Variants in ARIH2 observed in about 807,000 individuals in gnomAD.
The protein encoded by ARIH2 is ariadne RBR E3 ubiquitin protein ligase 2, also known as E3 ubiquitin-protein ligase ARIH2.
Under a neutral mutation model 79.8 loss-of-function variants are expected in ARIH2, and 12 were observed. The observed-to-expected ratio is 0.15, with a 90% CI of 0.10 to 0.24. ARIH2 has a LOEUF of 0.24. Ranked by LOEUF, ARIH2 falls within the 10% of genes least tolerant of loss-of-function variation. ARIH2 has a pLI of 1.00. For synonymous variants in ARIH2, 224 were observed against 213.9 expected, an observed-to-expected ratio of 1.05 and a Z score of -0.41; for missense variants, 301 against 618.3, an observed-to-expected ratio of 0.49 and a Z score of 5.44.
At chr3:48,967,076 CT>C (rs1576459149) in intron 5 of ARIH2, 48 bp from the exon 6 acceptor site, 1 of 1,597,612 alleles carries the variant, frequency 6.3e-7, no homozygotes, top group East Asian at 2.2e-5. Flanking sequence ...CCCTTATGGC[CT>C]TCTGGACCTG....
chr3:48,977,203 AAAAC>A (rs749803846), intron 11 of ARIH2, among the ~76,000 whole-genome samples: 12 of 152,038 alleles, frequency 7.9e-5, no homozygotes, highest in Non-Finnish European at 1.0e-4. Context: ...CTCCGTCTCA[AAAAC>A]AAACAAACAA....
intron 11 of ARIH2, among the ~76,000 whole-genome samples, chr3:48,978,738 T>C (rs2092645437): frequency 6.6e-6 from 1 of 151,714 alleles, no homozygotes; most frequent in East Asian, 1.9e-4. Flanking sequence ...GATGGGCGAA[T>C]CACTGAACAC....
chr3:48,926,687 ATTAC>A (rs1169037684), intron 2 of ARIH2: 2 of 152,202 alleles, frequency 1.3e-5, no homozygotes, highest in Non-Finnish European at 2.9e-5. Context: ...AGTAGCTGGG[ATTAC>A]AGGTGCATAT....
intron 13 of ARIH2, 106 bp from the exon 14 acceptor site, chr3:48,981,554 G>C: frequency 1.2e-6 from 1 of 848,362 alleles, no homozygotes; most frequent in Non-Finnish European, 1.9e-6. Context: ...TATATCTATA[G>C]AGCTGGGCTA....
chr3:48,959,055 G>A (rs192983796), intron 3 of ARIH2, among the ~76,000 whole-genome samples: 1,780 of 151,932 alleles, frequency 0.012, 10 homozygotes, highest in Non-Finnish European at 0.016. Context: ...GGTGGCTCAC[G>A]CCTGTAATCC....
chr3:48,971,025 A>G (rs775330359), intron 8 of ARIH2, among the ~76,000 whole-genome samples: 22 of 152,214 alleles, frequency 1.4e-4, no homozygotes, highest in Admixed American at 2.6e-4. Context: ...TGTTTGAAAG[A>G]TATAAACTTG....
intron 3 of ARIH2, among the ~76,000 whole-genome samples, chr3:48,959,050 C>T (rs2090943667): frequency 6.6e-6 from 1 of 151,688 alleles, no homozygotes; most frequent in Non-Finnish European, 1.5e-5. Flanking sequence ...AGCGCGGTGG[C>T]TCACGCCTGT....
intron 8 of ARIH2, 107 bp from the exon 9 acceptor site, chr3:48,973,592 A>AT: frequency 1.3e-6 from 1 of 750,920 alleles, no homozygotes; most frequent in Non-Finnish European, 2.2e-6. Context: ...AAAAAAAAAA[A>AT]GAAAAAAGCT....
At chr3:48,926,462 G>A (rs2085630960) in intron 2 of ARIH2, among the ~76,000 whole-genome samples, 1 of 151,506 alleles carries the variant, frequency 6.6e-6, no homozygotes, top group South Asian at 2.1e-4. Flanking sequence ...TAGAGACAGG[G>A]TTTCACCATA....
intron 14 of ARIH2, 91 bp downstream of exon 14, chr3:48,981,819 T>C: frequency 4.6e-6 from 5 of 1,087,514 alleles, no homozygotes; most frequent in Non-Finnish European, 5.5e-6. Context: ...GACCAGACCT[T>C]GGTCATTGGG....
chr3:48,938,476 A>G (rs2087502081), intron 3 of ARIH2, among the ~76,000 whole-genome samples: 1 of 152,212 alleles, frequency 6.6e-6, no homozygotes, highest in Non-Finnish European at 1.5e-5. Flanking sequence ...AAAAAATGCC[A>G]CATGAAGAAA....
At chr3:48,922,261 A>C (rs1312664626) in intron 1 of ARIH2, 1 of 152,044 alleles carries the variant, frequency 6.6e-6, no homozygotes, top group East Asian at 1.9e-4. Flanking sequence ...TCAAACTGAG[A>C]GAGAGAATTG....
At chr3:48,948,486 C>G (rs2089515287) in intron 3 of ARIH2, among the ~76,000 whole-genome samples, 1 of 151,936 alleles carries the variant, frequency 6.6e-6, no homozygotes, top group African/African-American at 2.4e-5. Context: ...TGGAGTTTCT[C>G]CATGTTGGTC....
chr3:48,983,813 TG>T lies in ARIH2; in HGVS notation c.*546del, dbSNP rs1214649158. The T allele has an allele frequency of 6.3e-6, 1 of 158,220 alleles. No homozygotes were observed. Among genetic ancestry groups the T allele is most frequent in the African/African-American group, 2.4e-5 (1 of 41,452 alleles). The allele number at this position is 158,220 out of a possible 1,614,324, so 9.8% of individuals were successfully genotyped here. A position where few individuals can be genotyped will look rare whatever the true frequency, so the allele number is the denominator to read the frequency against. On this transcript the variant is annotated 3_prime_UTR_variant, in exon 16 of 16. Coordinates refer to ENST00000356401, the MANE Select transcript of ARIH2 (RefSeq NM_006321.4). Reference sequence around the variant, plus strand: ...AGAGTTGTAGTCCCAAAGAAGAGCATGGGTGGCAGATGGTAGGGAATTGAAC... The same window carrying T: ...AGAGTTGTAGTCCCAAAGAAGAGCATGGTGGCAGATGGTAGGGAATTGAAC...
Position 48,967,199 on chromosome 3 carries a change from G to A in ARIH2, c.462G>A (p.Leu154=), listed in dbSNP as rs1486785724. 3 of 1,614,188 alleles carry A rather than the reference G, an allele frequency of 1.9e-6. No individual in the cohort carries two copies. The highest frequency in any genetic ancestry group is 2.5e-6 in the Non-Finnish European group (3 of 1,180,036). ...QFVRKENLLS[L]ACQHQFCRSC... is the part of the protein sequence containing the mutation. Reference sequence around the variant, plus strand: ...TGCGAAAGGAAAACCTACTCTCTCTGGCCTGTCAGCACCAGTTTTGCCGCA... The same window carrying A: ...TGCGAAAGGAAAACCTACTCTCTCTAGCCTGTCAGCACCAGTTTTGCCGCA... The change falls in exon 6 of 16, where the codon CTG becomes CTA. Residue 154 remains leucine, a synonymous_variant. Coordinates refer to ENST00000356401, the MANE Select transcript of ARIH2 (RefSeq NM_006321.4).
chr3:48,956,382 G>A (rs1351977657), intron 3 of ARIH2, among the ~76,000 whole-genome samples: 1 of 144,766 alleles, frequency 6.9e-6, no homozygotes, highest in African/African-American at 2.6e-5. Context: ...CAGGTGATCC[G>A]CCTGCCTCTG....
chr3:48,955,315 C>G (rs1223637213), intron 3 of ARIH2, among the ~76,000 whole-genome samples: 1 of 151,896 alleles, frequency 6.6e-6, no homozygotes, highest in Non-Finnish European at 1.5e-5. Flanking sequence ...CACATGTGTT[C>G]CTTCTAAGTC....
At chr3:48,924,773 T>G (rs573685797) in intron 2 of ARIH2, 4 of 152,320 alleles carry the variant, frequency 2.6e-5, no homozygotes, top group Admixed American at 1.3e-4. Context: ...CTCTGCTCAC[T>G]GCAACCTCCG....
Position 48,961,782 on chromosome 3 carries a change from A to G in ARIH2, c.323+103A>G, listed in dbSNP as rs1576421508. The G allele has an allele frequency of 9.7e-6, 7 of 723,934 alleles. No individual in the cohort carries two copies. The East Asian group carries it at 1.5e-4, about 16-fold the overall frequency. 44.8% of individuals were successfully genotyped at this position (723,934 alleles called of 1,614,324 possible). On this transcript the variant is annotated intron_variant, in intron 4 of 15. Coordinates refer to ENST00000356401, the MANE Select transcript of ARIH2 (RefSeq NM_006321.4). ...CATATTCGACTATATTCCAATGTGC[A>G]TAGTATATTTTTAAAACATTGGATT...
Sources: allele counts gnomAD v4.1 joint callset (sites outside exome capture counted in the v4.1 genomes callset), GRCh38; gene constraint gnomAD v4.1.1; transcripts MANE v1.5; gene names NCBI Gene and HGNC (gene_info 2026-07-23, HGNC 2026-07-21).